Variants in CDKL5 observed in about 807,000 individuals in gnomAD.
CDKL5 encodes cyclin-dependent kinase-like 5.
A neutral mutation model predicts 61.7 loss-of-function variants in CDKL5; 8 were observed. That is an observed-to-expected ratio of 0.13 (90% CI 0.08 to 0.23). CDKL5 has a LOEUF of 0.23. Among genes scored for constraint, CDKL5 ranks in the 10% least tolerant of loss-of-function variants. The pLI is 1.00. For synonymous variants in CDKL5, 275 were observed against 272.3 expected, an observed-to-expected ratio of 1.01 and a Z score of -0.10; for missense variants, 440 against 734.5, an observed-to-expected ratio of 0.60 and a Z score of 4.63.
At position 18,634,494 on chromosome X, in the gene CDKL5, CAA is replaced by C; in HGVS notation, c.*5742_*5743del. The C allele has an allele frequency of 1.3e-6, 1 of 753,948 alleles. No homozygotes were observed. Among genetic ancestry groups the C allele is most frequent in the Middle Eastern group, 7.6e-4 (1 of 1,322 alleles). The allele number at this position is 753,948 out of a possible 1,213,427, so 62.1% of individuals were successfully genotyped here. A position where few individuals can be genotyped will look rare whatever the true frequency, so the allele number is the denominator to read the frequency against. ...AGTTTCATGGAAAAACAAAACAAAA[CAA>C]AAAAGATGCTTATCGTCCCGGAGAA... On this transcript the variant is annotated 3_prime_UTR_variant, in exon 18 of 18. Coordinates refer to ENST00000623535, the MANE Select transcript of CDKL5 (RefSeq NM_001323289.2).
intron 1 of CDKL5, among the ~76,000 whole-genome samples, chrX:18,468,173 A>G (rs1920980323): frequency 8.9e-6 from 1 of 111,838 alleles, no homozygotes; most frequent in South Asian, 3.7e-4. Context: ...AAAAATAGCT[A>G]TAGCTATAAT....
intron 9 of CDKL5, among the ~76,000 whole-genome samples, chrX:18,594,580 G>A (rs1160030762): frequency 2.7e-5 from 3 of 111,892 alleles, no homozygotes; most frequent in Non-Finnish European, 5.6e-5. Flanking sequence ...GTTTTCAAAA[G>A]TAAATGGTAT....
intron 5 of CDKL5, among the ~76,000 whole-genome samples, chrX:18,578,395 A>G (rs1026624150): frequency 4.5e-5 from 5 of 112,162 alleles, no homozygotes; most frequent in Non-Finnish European, 9.4e-5. Context: ...CTTGATAGGT[A>G]TACAACTTGA....
intron 3 of CDKL5, 61 bp from the exon 4 acceptor site, chrX:18,564,416 G>A: frequency 1.3e-6 from 1 of 797,827 alleles, no homozygotes; most frequent in Non-Finnish European, 1.9e-6. Context: ...CCAGGCAACT[G>A]GAATCCCCAG....
chrX:18,517,666 C>G (rs1318751064), intron 3 of CDKL5, among the ~76,000 whole-genome samples: 1 of 111,261 alleles, frequency 9.0e-6, no homozygotes, highest in East Asian at 2.8e-4. Context: ...CACTGATGAA[C>G]AAATACCTAT....
intron 1 of CDKL5, among the ~76,000 whole-genome samples, chrX:18,490,445 T>C (rs1433257271): frequency 2.8e-5 from 3 of 108,889 alleles, no homozygotes; most frequent in Non-Finnish European, 5.7e-5. Flanking sequence ...TTGGAAAAGA[T>C]ACCACGCATT....
intron 3 of CDKL5, among the ~76,000 whole-genome samples, chrX:18,549,932 T>C (rs1423485301): frequency 1.8e-5 from 2 of 111,577 alleles, no homozygotes; most frequent in Non-Finnish European, 3.8e-5. Context: ...TAAAGAGGAC[T>C]GCCAGGCCTC....
chrX:18,632,315 A>G lies in CDKL5; in HGVS notation c.*3558A>G. On this transcript the variant is annotated 3_prime_UTR_variant, in exon 18 of 18. Coordinates refer to ENST00000623535, the MANE Select transcript of CDKL5 (RefSeq NM_001323289.2). Reference sequence around the variant, plus strand: ...TTTGGAAGGAGACCAGAGTTACTTTATAGGTGTTGGAGAACTTAAATTCTA... The same window carrying G: ...TTTGGAAGGAGACCAGAGTTACTTTGTAGGTGTTGGAGAACTTAAATTCTA... 4.0e-6 allele frequency: 3 copies of G among 751,970 alleles called. No individual in the cohort carries two copies. The highest frequency in any genetic ancestry group is 4.7e-6 in the Non-Finnish European group (3 of 637,278). The allele number at this position is 751,970 out of a possible 1,213,427, so 62.0% of individuals were successfully genotyped here. A position where few individuals can be genotyped will look rare whatever the true frequency, so the allele number is the denominator to read the frequency against.
intron 3 of CDKL5, among the ~76,000 whole-genome samples, chrX:18,530,689 C>G (rs1241262313): frequency 8.9e-6 from 1 of 111,818 alleles, no homozygotes; most frequent in Non-Finnish European, 1.9e-5. Context: ...TACTTTGTCT[C>G]TTTAGACTAT....
In CDKL5 at chrX:18,556,599, G is replaced by A. The variant is rs1378806732; in HGVS notation, c.100-7878G>A. 2.7e-5 allele frequency among the ~76,000 whole-genome samples: 3 copies of A among 111,476 alleles called. No individual in the cohort carries two copies. The East Asian group carries it at 8.4e-4, about 31-fold the overall frequency. On this transcript the variant is annotated intron_variant, in intron 3 of 17. Coordinates refer to ENST00000623535, the MANE Select transcript of CDKL5 (RefSeq NM_001323289.2). The stretch of plus-strand genomic sequence containing the variant: ...ATCCACGGGAAGCACTTAGGGTGGG[G>A]CTTGGTGCAAGAGTACTTAAAAACA...
intron 16 of CDKL5, chrX:18,624,070 A>G: frequency 7.1e-6 from 4 of 564,137 alleles, no homozygotes; most frequent in Non-Finnish European, 8.6e-6. Context: ...TGACAACAGC[A>G]TGTCTTATTT....
At chrX:18,442,781 A>AC (rs1246019279) in intron 1 of CDKL5, among the ~76,000 whole-genome samples, 4 of 112,040 alleles carry the variant, frequency 3.6e-5, no homozygotes, top group African/African-American at 1.3e-4. Context: ...GGTGTGAGCC[A>AC]CCGCGCCTAG....
intron 3 of CDKL5, among the ~76,000 whole-genome samples, chrX:18,546,247 T>G (rs1213694962): frequency 9.1e-6 from 1 of 109,657 alleles, no homozygotes; most frequent in Non-Finnish European, 1.9e-5. Context: ...GTTACATATC[T>G]TCTACTTCTT....
intron 4 of CDKL5, among the ~76,000 whole-genome samples, chrX:18,565,687 G>A (rs112441377): frequency 1.8e-5 from 2 of 112,441 alleles, no homozygotes; most frequent in African/African-American, 6.4e-5. Context: ...CTCCAGGATA[G>A]ATGTAGTAGT....
intron 4 of CDKL5, among the ~76,000 whole-genome samples, chrX:18,568,944 C>G (rs1364923020): frequency 9.0e-6 from 1 of 111,404 alleles, no homozygotes; most frequent in Admixed American, 9.6e-5. Flanking sequence ...ATCCTCCTGC[C>G]TCAGCCTCCC....
chrX:18,487,991 A>G (rs1446935630), intron 1 of CDKL5, among the ~76,000 whole-genome samples: 1 of 111,733 alleles, frequency 8.9e-6, no homozygotes, highest in Non-Finnish European at 1.9e-5. Flanking sequence ...TTTTGATATT[A>G]ACATGATGTA....
chrX:18,630,593 A>G lies in CDKL5; in HGVS notation c.*1836A>G, dbSNP rs1927205879. On this transcript the variant is annotated 3_prime_UTR_variant, in exon 18 of 18. Transcript: ENST00000623535. ...AAGACTAAGGTCCTAGTTTCCCTGA[A>G]GCTTAAATTGTGCACATATTGCATT... 4.0e-6 allele frequency: 3 copies of G among 748,684 alleles called. No individual in the cohort carries two copies. The highest frequency in any genetic ancestry group is 4.7e-6 in the Non-Finnish European group (3 of 634,849). 61.7% of individuals were successfully genotyped at this position (748,684 alleles called of 1,213,427 possible).
intron 1 of CDKL5, among the ~76,000 whole-genome samples, chrX:18,456,700 T>C (rs1418254531): frequency 2.7e-5 from 3 of 112,095 alleles, no homozygotes; most frequent in African/African-American, 9.7e-5. Context: ...GATATTTTAC[T>C]GCTTTATGGC....
At chrX:18,592,565 A>C (rs886333481) in intron 9 of CDKL5, among the ~76,000 whole-genome samples, 1 of 112,488 alleles carries the variant, frequency 8.9e-6, no homozygotes, top group African/African-American at 3.2e-5. Flanking sequence ...GCTGCTTACA[A>C]ACATCCTTCA....
Sources: gnomAD v4.1 joint callset for allele counts (sites outside exome capture counted in the v4.1 genomes callset) on GRCh38, gnomAD v4.1.1 for gene constraint, MANE v1.5 for transcripts, NCBI Gene and HGNC (gene_info 2026-07-23, HGNC 2026-07-21) for gene names.